TMEM134: variants seen among roughly 807,000 people sequenced by gnomAD.
TMEM134 encodes transmembrane protein 134.
TMEM134 carries 36 observed loss-of-function variants against 26.2 expected under a neutral mutation model. The observed-to-expected ratio is 1.37, with a 90% confidence interval of 1.05 to 1.81. The LOEUF (loss-of-function observed/expected upper bound fraction) is 1.81. Among genes scored for constraint, TMEM134 ranks in the 40% most tolerant of loss-of-function variants. The pLI is 0.00. For synonymous variants in TMEM134, 133 were observed against 113.6 expected, an observed-to-expected ratio of 1.17 and a Z score of -1.08; for missense variants, 339 against 263.5, an observed-to-expected ratio of 1.29 and a Z score of -1.98.
At position 67,464,348 on chromosome 11, in the gene TMEM134, T is replaced by C. The variant is rs1865101415; in HGVS notation, c.*266A>G. 2 of 545,594 alleles carry C rather than the reference T, an allele frequency of 3.7e-6. No homozygotes were observed. Among genetic ancestry groups the C allele is most frequent in the South Asian group, 4.1e-5 (2 of 48,986 alleles). The allele number at this position is 545,594 out of a possible 1,614,324, so 33.8% of individuals were successfully genotyped here. On this transcript the variant is annotated 3_prime_UTR_variant, in exon 7 of 7. Transcript: ENST00000308022. ...CAGTGGCAGGACAGGAGGAGAGCAATTGCCTCTGGTGGAATTAATTACTCT... is the reference window on the plus strand; with the variant it reads ...CAGTGGCAGGACAGGAGGAGAGCAACTGCCTCTGGTGGAATTAATTACTCT...
In TMEM134 at chr11:67,465,070, G is replaced by T; in HGVS notation, c.437C>A (p.Ala146Glu). The T allele has an allele frequency of 1.3e-6, 2 of 1,583,710 alleles. No homozygotes were observed. The highest frequency in any genetic ancestry group is 1.7e-6 in the Non-Finnish European group (2 of 1,168,914). ...VLILVGVGLE[A>E]TPSPGVSSAI... The stretch of plus-strand genomic sequence containing the variant: ...GGGTCGCTCACCTGGAGAGGGGGTC[G>T]CCTCCAGTCCCACGCCGACCAGGAT... The change falls in exon 5 of 7, where the codon GCG (alanine) becomes GAG (glutamate). Residue 146 changes from alanine to glutamate, a missense_variant. Transcript: ENST00000308022.
chr11:67,464,768 GC>G (rs777326467), intron 6 of TMEM134, 34 bp downstream of exon 6: 51 of 1,515,388 alleles, frequency 3.4e-5, no homozygotes, highest in Non-Finnish European at 4.3e-5. Context: ...CCGCCCCACA[GC>G]CCCCGCCCCT....
intron 1 of TMEM134, chr11:67,468,308 T>A (rs895758316): frequency 1.8e-6 from 1 of 569,730 alleles, no homozygotes; most frequent in Non-Finnish European, 3.1e-6. Flanking sequence ...GGAGCCTGCA[T>A]AGATCCCAGG....
chr11:67,464,745 A>G lies in TMEM134; in HGVS notation c.506-49T>C, dbSNP rs562204087. ...CAGAAGCCCCGCCCCTCCCCGCAAC[A>G]CCGCCCCCAGTGCCGCCCCACAGCC... On this transcript the variant is annotated intron_variant, in intron 6 of 6. Coordinates refer to ENST00000308022, the MANE Select transcript of TMEM134 (RefSeq NM_025124.4). 133 of 1,545,612 alleles carry G rather than the reference A, an allele frequency of 8.6e-5. No homozygotes were observed. In the South Asian group the frequency reaches 1.5e-3, roughly 17 times the overall value.
chr11:67,465,307 TG>T, intron 4 of TMEM134: 1 of 1,372,988 alleles, frequency 7.3e-7, no homozygotes, highest in Non-Finnish European at 9.5e-7. Flanking sequence ...CTTTGTTCCT[TG>T]GGGTGGGCTT....
In TMEM134 at chr11:67,462,713, A is replaced by ATTTT. The variant is rs1410514836; in HGVS notation, c.*1897_*1900dup. On this transcript the variant is annotated 3_prime_UTR_variant, in exon 7 of 7. Transcript: ENST00000308022. Reference sequence around the variant, plus strand: ...AAATTTTTATGTTATTTATTTATTTATTTTTTAAATAGGTCTCAGTCTGTC... The same window carrying ATTTT: ...AAATTTTTATGTTATTTATTTATTTATTTTTTTTTTAAATAGGTCTCAGTCTGTC... 3 of 150,930 alleles carry ATTTT rather than the reference A, an allele frequency of 2.0e-5. No individual in the cohort carries two copies. The highest frequency in any genetic ancestry group is 6.6e-5 in the Admixed American group (1 of 15,168). 9.3% of individuals were successfully genotyped at this position (150,930 alleles called of 1,614,324 possible). A position where few individuals can be genotyped will look rare whatever the true frequency, so the allele number is the denominator to read the frequency against.
Position 67,462,325 on chromosome 11 carries a change from T to C in TMEM134, c.*2289A>G, listed in dbSNP as rs1277632315. On this transcript the variant is annotated 3_prime_UTR_variant, in exon 7 of 7. Transcript: ENST00000308022. ...ATTGAAATGTAATTTTATGTCTAAT[T>C]AATCTGATAAACTGTGGACTTGTAT... The C allele has an allele frequency of 2.0e-5, 3 of 152,062 alleles. No homozygotes were observed. Among genetic ancestry groups the C allele is most frequent in the Non-Finnish European group, 4.4e-5 (3 of 68,014 alleles). The allele number at this position is 152,062 out of a possible 1,614,324, so 9.4% of individuals were successfully genotyped here.
chr11:67,464,654 C>T lies in TMEM134; in HGVS notation c.548G>A (p.Arg183Gln), dbSNP rs757529072. The change falls in exon 7 of 7, where the codon CGG (arginine) becomes CAG (glutamine). Residue 183 changes from arginine to glutamine, a missense_variant. Arg to Gln is a conservative substitution (Grantham distance 43, BLOSUM62 1). Transcript: ENST00000308022. Reference sequence around the variant, plus strand: ...GGGCAGGTAGAAGAACTGGAAGCCCCGGTGGCCCTTGACCGCGCAGTAGAT... The same window carrying T: ...GGGCAGGTAGAAGAACTGGAAGCCCTGGTGGCCCTTGACCGCGCAGTAGAT... ...IFIYCAVKGH[R>Q]GFQFFYLPYF... The T allele has an allele frequency of 1.7e-5, 27 of 1,553,930 alleles. No individual in the cohort carries two copies. Among genetic ancestry groups the T allele is most frequent in the Middle Eastern group, 1.7e-4 (1 of 5,994 alleles).
chr11:67,469,132 C>A lies in TMEM134; in HGVS notation c.61G>T (p.Gly21Trp), dbSNP rs1177550592. The A allele has an allele frequency of 5.3e-6, 8 of 1,497,450 alleles. No individual in the cohort carries two copies. The highest frequency in any genetic ancestry group is 5.0e-5 in the South Asian group (4 of 80,000). The allele number at this position is 1,497,450 out of a possible 1,614,324, so 92.8% of individuals were successfully genotyped here. ...DDAFELSLEDGGPGPESSGVA... is the reference protein window; with the variant it reads ...DDAFELSLEDWGPGPESSGVA... ...CCGCTGGACTCGGGCCCAGGGCCCC[C>A]GTCCTCCAGGGACAGCTCGAAGGCA... The change falls in exon 1 of 7, where the codon GGG (glycine) becomes TGG (tryptophan). Residue 21 changes from glycine (G) to tryptophan (W), a missense_variant. By Grantham distance (184) the Gly-to-Trp change is radical. Coordinates refer to ENST00000308022, the MANE Select transcript of TMEM134 (RefSeq NM_025124.4).
chr11:67,462,011 A>G lies in TMEM134; in HGVS notation c.*2603T>C, dbSNP rs1865031146. On this transcript the variant is annotated 3_prime_UTR_variant, in exon 7 of 7. Coordinates refer to ENST00000308022, the MANE Select transcript of TMEM134 (RefSeq NM_025124.4). ...CATAGTGAAACCCTGTCTCTACTAA[A>G]AATACAAAGATTAGCTGGGCATGGT... 1 of 152,058 alleles carries G rather than the reference A, an allele frequency of 6.6e-6. No individual in the cohort carries two copies. Among genetic ancestry groups the G allele is most frequent in the Non-Finnish European group, 1.5e-5 (1 of 68,020 alleles). 9.4% of individuals were successfully genotyped at this position (152,058 alleles called of 1,614,324 possible).
At chr11:67,468,951 G>T (rs954822007) in intron 1 of TMEM134, 68 bp downstream of exon 1, 11 of 1,374,346 alleles carry the variant, frequency 8.0e-6, no homozygotes, top group Non-Finnish European at 1.0e-5. Flanking sequence ...CCGAGTTGAG[G>T]CCTTTGGGGC....
chr11:67,465,402 G>A (rs1425395705), intron 4 of TMEM134: 8 of 472,606 alleles, frequency 1.7e-5, no homozygotes, highest in Non-Finnish European at 3.5e-6. Flanking sequence ...TAAGGTCCCT[G>A]CCCTCATGGC....
intron 1 of TMEM134, among the ~76,000 whole-genome samples, chr11:67,468,573 G>A (rs1184373149): frequency 6.6e-6 from 1 of 152,202 alleles, no homozygotes; most frequent in African/African-American, 2.4e-5. Context: ...AGCTCTTAGG[G>A]GTGGTGGTGG....
At chr11:67,468,926 T>C in intron 1 of TMEM134, 93 bp downstream of exon 1, 6 of 1,274,482 alleles carry the variant, frequency 4.7e-6, no homozygotes, top group Non-Finnish European at 6.1e-6. Context: ...CTGGGGCCTC[T>C]AGGCAGATGC....
chr11:67,466,190 T>C (rs547282601), intron 4 of TMEM134: 2 of 151,208 alleles, frequency 1.3e-5, no homozygotes, highest in South Asian at 2.1e-4. Flanking sequence ...ACTAAAAAAA[T>C]ACAAAAAATT....
chr11:67,469,129 C>T lies in TMEM134; in HGVS notation c.64G>A (p.Gly22Ser), dbSNP rs1435714151. Residue 22 changes from glycine to serine, a missense_variant, in exon 1 of 7, where the codon GGC (glycine) becomes AGC (serine). By Grantham distance (56) the Gly-to-Ser change is moderately conservative. Transcript: ENST00000308022. ...ACCCCGCTGGACTCGGGCCCAGGGC[C>T]CCCGTCCTCCAGGGACAGCTCGAAG... ...DAFELSLEDGGPGPESSGVAR... is the reference protein window; with the variant it reads ...DAFELSLEDGSPGPESSGVAR... 1 of 1,498,442 alleles carries T rather than the reference C, an allele frequency of 6.7e-7. No homozygotes were observed. The highest frequency in any genetic ancestry group is 8.9e-7 in the Non-Finnish European group (1 of 1,122,772). The allele number at this position is 1,498,442 out of a possible 1,614,324, so 92.8% of individuals were successfully genotyped here. A position where few individuals can be genotyped will look rare whatever the true frequency, so the allele number is the denominator to read the frequency against.
chr11:67,469,020 T>C lies in TMEM134; in HGVS notation c.173A>G (p.Gln58Arg), dbSNP rs1353147768. 1 of 1,498,812 alleles carries C rather than the reference T, an allele frequency of 6.7e-7. No homozygotes were observed. Among genetic ancestry groups the C allele is most frequent in the South Asian group, 1.2e-5 (1 of 81,164 alleles). The allele number at this position is 1,498,812 out of a possible 1,614,324, so 92.8% of individuals were successfully genotyped here. A position where few individuals can be genotyped will look rare whatever the true frequency, so the allele number is the denominator to read the frequency against. Residue 58 changes from glutamine to arginine, a missense_variant and splice_region_variant, in exon 1 of 7, where the codon CAG becomes CGG. By Grantham distance (43) the Gln-to-Arg change is conservative. Transcript: ENST00000308022. The stretch of plus-strand genomic sequence containing the variant: ...GGTTAGGTGGGCCGGGCGGTTCACC[T>C]GGTAGCGCAGCCGGGACTGCTTGTC... ...DEDKQSRLRY[Q>R]NLENDEDGAQ...
intron 1 of TMEM134, 44 bp downstream of exon 1, chr11:67,468,975 C>T (rs1448750246): frequency 1.4e-6 from 2 of 1,426,868 alleles, no homozygotes; most frequent in Non-Finnish European, 9.2e-7. Flanking sequence ...GCCTGGGGTC[C>T]CGTCCGGCCG....
intron 4 of TMEM134, 46 bp from the exon 5 acceptor site, chr11:67,465,146 A>G: frequency 6.5e-7 from 1 of 1,539,320 alleles, no homozygotes; most frequent in Non-Finnish European, 8.7e-7. Flanking sequence ...AGCAGTGGTG[A>G]GGGCGGGGGC....
Sources: gnomAD v4.1 joint callset for allele counts (sites outside exome capture counted in the v4.1 genomes callset) on GRCh38, gnomAD v4.1.1 for gene constraint, MANE v1.5 for transcripts, NCBI Gene and HGNC (gene_info 2026-07-23, HGNC 2026-07-21) for gene names.